The following NLRP6 variants were observed in gnomAD, a reference collection of about 807,000 sequenced individuals.
NLRP6 encodes NACHT, LRR and PYD domains-containing protein 6.
In NLRP6, 55 loss-of-function variants were observed where a neutral mutation model predicts 70.9. The ratio of observed to expected loss-of-function variants is 0.78; its 90% CI spans 0.62 to 0.97. NLRP6 has a LOEUF of 0.97. NLRP6 is among the 50% of genes least tolerant of loss of function. The pLI, the probability that NLRP6 is intolerant of heterozygous loss-of-function variation, is 0.00. For missense variants in NLRP6, 1,241 were observed against 1,238.3 expected, an observed-to-expected ratio of 1.00 and a Z score of -0.03; for synonymous variants, 652 against 581.9, an observed-to-expected ratio of 1.12 and a Z score of -1.73.
intron 7 of NLRP6, among the ~76,000 whole-genome samples, chr11:284,944 GC>G (rs1428956005): frequency 3.3e-5 from 5 of 152,014 alleles, no homozygotes; most frequent in Admixed American, 3.3e-4. Context: ...TCCGGCCTCT[GC>G]CCCCTCCCCC....
chr11:280,587 C>T lies in NLRP6; in HGVS notation c.853C>T (p.Pro285Ser), dbSNP rs1237617223. 2 of 1,453,630 alleles carry T rather than the reference C, an allele frequency of 1.4e-6. No individual in the cohort carries two copies. The highest frequency in any genetic ancestry group is 1.8e-6 in the Non-Finnish European group (2 of 1,116,332). The allele number at this position is 1,453,630 out of a possible 1,614,324, so 90.0% of individuals were successfully genotyped here. ...LFILDGADEL[P>S]ALGGPEAAPC... ...CATCCTGGACGGCGCGGACGAGCTGCCGGCGCTGGGGGGCCCCGAGGCCGC... is the reference window on the plus strand; with the variant it reads ...CATCCTGGACGGCGCGGACGAGCTGTCGGCGCTGGGGGGCCCCGAGGCCGC... Residue 285 changes from proline to serine, a missense_variant, in exon 4 of 8, where the codon CCG (proline) becomes TCG (serine). Coordinates refer to ENST00000534750, the MANE Select transcript of NLRP6 (RefSeq NM_001276700.2).
chr11:279,708 G>C, intron 2 of NLRP6, 101 bp downstream of exon 2: 1 of 1,347,296 alleles, frequency 7.4e-7, no homozygotes, highest in Non-Finnish European at 9.6e-7. Flanking sequence ...GCCCCCGCGC[G>C]TTTTATCCAC....
In NLRP6 at chr11:279,318, C is replaced by A; in HGVS notation, c.30-9C>A. 2 of 1,268,440 alleles carry A rather than the reference C, an allele frequency of 1.6e-6. No homozygotes were observed. Among genetic ancestry groups the A allele is most frequent in the Non-Finnish European group, 2.0e-6 (2 of 1,007,276 alleles). The allele number at this position is 1,268,440 out of a possible 1,614,324, so 78.6% of individuals were successfully genotyped here. A position where few individuals can be genotyped will look rare whatever the true frequency, so the allele number is the denominator to read the frequency against. On this transcript the variant is annotated splice_polypyrimidine_tract_variant and intron_variant, in intron 1 of 7. Coordinates refer to ENST00000534750, the MANE Select transcript of NLRP6 (RefSeq NM_001276700.2). ...CGCTCCCCGATGACCCGCGCCCGCC[C>A]GCCTCCAGCACGGGGCCGCGCCTCG...
At position 280,877 on chromosome 11, in the gene NLRP6, G is replaced by A. The variant is rs371696070; in HGVS notation, c.1143G>A (p.Leu381=). ...GCTTCGTGAAGGAGAACGAGACGCT[G>A]TTCGCGCTGTGCTTCGTGCCCTTCG... ...AYRFVKENET[L]FALCFVPFVC... is the part of the protein sequence containing the mutation. The change falls in exon 4 of 8, where the codon CTG becomes CTA. Residue 381 remains leucine, a synonymous_variant. Transcript: ENST00000534750. The A allele has an allele frequency of 4.3e-6, 7 of 1,613,470 alleles. No individual in the cohort carries two copies. The South Asian group carries it at 7.7e-5, about 18-fold the overall frequency.
chr11:279,607 CGT>C lies in NLRP6; in HGVS notation c.310+2_310+3del. On this transcript the variant is annotated splice_donor_variant, in intron 2 of 7. Transcript: ENST00000534750. LOFTEE classifies it high-confidence loss of function. ...GCAGCTCCAGGAGCGGCGGCTGCAG[CGT>C]GAGTTCTGCGCGGGAGGTCCCTCCT... is the stretch of plus-strand genomic sequence containing the variant. The C allele has an allele frequency of 2.1e-6, 3 of 1,398,386 alleles. No individual in the cohort carries two copies. The highest frequency in any genetic ancestry group is 2.8e-6 in the Non-Finnish European group (3 of 1,081,014). 86.6% of individuals were successfully genotyped at this position (1,398,386 alleles called of 1,614,324 possible).
Position 280,262 on chromosome 11 carries a change from C to G in NLRP6, c.528C>G (p.Arg176=), listed in dbSNP as rs1438236041. Residue 176 remains arginine, a synonymous_variant, in exon 4 of 8, where the codon CGC becomes CGG. Transcript: ENST00000534750. ...AGCCTGAGCCGGGGCGCGCGCGGCG[C>G]TCGGACACGCACACTTTCAACCGCC... The part of the protein sequence containing the change: ...AEEPEPGRAR[R]SDTHTFNRLF... The G allele has an allele frequency of 6.6e-7, 1 of 1,523,050 alleles. No homozygotes were observed. The highest frequency in any genetic ancestry group is 2.2e-5 in the Admixed American group (1 of 45,454). 94.3% of individuals were successfully genotyped at this position (1,523,050 alleles called of 1,614,324 possible).
At position 281,441 on chromosome 11, in the gene NLRP6, G is replaced by C; in HGVS notation, c.1707G>C (p.Glu569Asp). Residue 569 changes from glutamate (E) to aspartate (D), a missense_variant, in exon 4 of 8, where the codon GAG (glutamate) becomes GAC (aspartate). Transcript: ENST00000534750. ...GCCACTTCGGCTGCATGGTTTCAGA[G>C]CGTGTGAAGCAGGAGGCCCTGCGGT... ...IERHFGCMVS[E>D]RVKQEALRWV... 6.9e-6 allele frequency: 11 copies of C among 1,603,244 alleles called. No homozygotes were observed. The highest frequency in any genetic ancestry group is 8.5e-6 in the Non-Finnish European group (10 of 1,174,084).
At chr11:284,769 TCAAA>T (rs753282430) in intron 7 of NLRP6, 127 bp downstream of exon 7, 110 of 896,268 alleles carry the variant, frequency 1.2e-4, no homozygotes, top group Middle Eastern at 6.9e-4. Context: ...GTGACTGAGC[TCAAA>T]CACTGACCTG....
chr11:284,052 C>T (rs1845517470), intron 5 of NLRP6, among the ~76,000 whole-genome samples, 178 bp from the exon 6 acceptor site: 1 of 152,090 alleles, frequency 6.6e-6, no homozygotes, highest in Admixed American at 6.5e-5. Context: ...AACACAGCTC[C>T]CCGGGGGTGC....
chr11:285,000 TCTGTGGCACAGCCAAGCTGA>T (rs1313561195), intron 7 of NLRP6, among the ~76,000 whole-genome samples, 146 bp from the exon 8 acceptor site: 4 of 151,752 alleles, frequency 2.6e-5, no homozygotes, highest in Non-Finnish European at 5.9e-5. Flanking sequence ...TCCCTGAGTG[TCTGTGGCACAGCCAAGCTGA>T]CAGCCCAGTC....
Position 280,931 on chromosome 11 carries a change from C to T in NLRP6, c.1197C>T (p.Arg399=). 2 of 1,613,296 alleles carry T rather than the reference C, an allele frequency of 1.2e-6. No homozygotes were observed. Among genetic ancestry groups the T allele is most frequent in the Non-Finnish European group, 1.7e-6 (2 of 1,179,944 alleles). The change falls in exon 4 of 8, where the codon CGC becomes CGT. Residue 399 remains arginine, a synonymous_variant. Coordinates refer to ENST00000534750, the MANE Select transcript of NLRP6 (RefSeq NM_001276700.2). ...FVCWIVCTVL[R]QQLELGRDLS... ...GCTGGATCGTGTGCACCGTGCTGCG[C>T]CAGCAGCTGGAGCTCGGTCGGGACC...
chr11:283,449 G>A (rs1303553392), intron 5 of NLRP6, among the ~76,000 whole-genome samples: 2 of 151,708 alleles, frequency 1.3e-5, no homozygotes, highest in Admixed American at 6.6e-5. Flanking sequence ...GAGTAGCTGG[G>A]ACTACAGGTG....
At chr11:284,711 G>A in intron 7 of NLRP6, 69 bp downstream of exon 7, 7 of 1,456,348 alleles carry the variant, frequency 4.8e-6, no homozygotes, top group Non-Finnish European at 6.5e-6. Context: ...GGGTGCCTGG[G>A]GGCTCCCCCT....
intron 7 of NLRP6, 67 bp from the exon 8 acceptor site, chr11:285,085 GCTGCCCCCACGGCA>G (rs1845539373): frequency 7.7e-7 from 1 of 1,298,266 alleles, no homozygotes; most frequent in Non-Finnish European, 1.1e-6. Flanking sequence ...CCGCGGCCCG[GCTGCCCCCACGGCA>G]CTGCCCCCAA....
chr11:280,055 GT>G (rs1845444623), intron 3 of NLRP6, 28 bp from the exon 4 acceptor site: 2 of 1,456,870 alleles, frequency 1.4e-6, no homozygotes, highest in Non-Finnish European at 1.8e-6. Flanking sequence ...TCCGACCCTT[GT>G]CCCCGCGCTG....
rs777994754 is a variant in NLRP6, at chr11:281,653, G to C, written c.1919G>C (p.Arg640Pro). The C allele has an allele frequency of 1.2e-6, 2 of 1,613,328 alleles. No individual in the cohort carries two copies. The highest frequency in any genetic ancestry group is 2.7e-5 in the African/African-American group (2 of 74,952). ...EDAFVRQALC[R>P]FPELALQRVR... ...GCGTTTGTGCGCCAAGCCCTGTGCC[G>C]GTTCCCGGAGCTGGCGCTGCAGCGA... The change falls in exon 4 of 8, where the codon CGG becomes CCG. Residue 640 changes from arginine (R) to proline (P), a missense_variant. Physicochemically the swap from Arg to Pro is moderately radical, Grantham distance 103 (BLOSUM62 -2). Transcript: ENST00000534750.
chr11:280,123 A>G lies in NLRP6; in HGVS notation c.389A>G (p.His130Arg). The change falls in exon 4 of 8, where the codon CAC becomes CGC. Residue 130 changes from histidine (H) to arginine (R), a missense_variant. Transcript: ENST00000534750. ...TACCGGGAGCACGTGCTGCAGCTGC[A>G]CGCTCGGGTGAAGGAGAGGAACGCC... is the stretch of plus-strand genomic sequence containing the variant. ...KKYREHVLQLHARVKERNARS... is the reference protein window; with the variant it reads ...KKYREHVLQLRARVKERNARS... The G allele has an allele frequency of 6.5e-7, 1 of 1,533,160 alleles. No homozygotes were observed. 95.0% of individuals were successfully genotyped at this position (1,533,160 alleles called of 1,614,324 possible).
Position 283,311 on chromosome 11 carries a change from C to CTTT in NLRP6, c.2198+532_2198+534dup, listed in dbSNP as rs34619806. ...TTAATGTGGCTACACATGTACAGTT[C>CTTT]TTTTTTTTTTTTTTTTTTTTGAGAC... On this transcript the variant is annotated intron_variant, in intron 5 of 7. Transcript: ENST00000534750. Among the ~76,000 whole-genome samples the CTTT allele has an allele frequency of 4.9e-4, 56 of 115,388 alleles. 1 individual carries two copies. The highest frequency in any genetic ancestry group is 6.1e-4 in the Non-Finnish European group (35 of 56,984). The allele number at this position is 115,388 out of a possible 152,430, so 75.7% of individuals were successfully genotyped here.
At chr11:279,765 A>T (rs920276058) in intron 2 of NLRP6, 69 bp from the exon 3 acceptor site, 3 of 1,510,920 alleles carry the variant, frequency 2.0e-6, no homozygotes, top group East Asian at 5.0e-5. Context: ...CCTCAGGGTG[A>T]CTCGGACCCC....
Sources: gnomAD v4.1 joint callset for allele counts (sites outside exome capture counted in the v4.1 genomes callset) on GRCh38, gnomAD v4.1.1 for gene constraint, MANE v1.5 for transcripts, NCBI Gene and HGNC (gene_info 2026-07-23, HGNC 2026-07-21) for gene names.